Variants in ELP2 observed in about 807,000 individuals in gnomAD.
ELP2 encodes the protein elongator complex protein 2.
In ELP2, 90 loss-of-function variants were observed where a neutral mutation model predicts 119.2. The observed-to-expected ratio is 0.75, with a 90% CI of 0.64 to 0.90. The LOEUF (loss-of-function observed/expected upper bound fraction) is 0.90, where lower values mean the gene tolerates loss of function less well. ELP2 is among the 40% of genes least tolerant of loss of function. The probability of loss-of-function intolerance (pLI) is 0.00; values close to 1 mark genes in which losing one functional copy is unlikely to be tolerated. For synonymous variants in ELP2, 339 were observed against 331.0 expected, an observed-to-expected ratio of 1.02 and a Z score of -0.26; for missense variants, 921 against 967.8, an observed-to-expected ratio of 0.95 and a Z score of 0.64.
rs2144846412 is a variant in ELP2, at chr18:36,174,516, T to C, written c.2356T>C (p.Cys786Arg). ...QSHTLAIRKL[C>R]WKNCSGKTEQ... ...TCATACACTGGCTATCAGAAAATTA[T>C]GCTGGAAGAATTGCAGTGGAAAAAC... Residue 786 changes from cysteine to arginine, a missense_variant, in exon 22 of 22, where the codon TGC becomes CGC. Transcript: ENST00000358232. The C allele has an allele frequency of 1.2e-6, 2 of 1,614,144 alleles. No individual in the cohort carries two copies. Among genetic ancestry groups the C allele is most frequent in the South Asian group, 1.1e-5 (1 of 91,066 alleles).
intron 16 of ELP2, 97 bp from the exon 17 acceptor site, chr18:36,160,835 C>A: frequency 1.3e-6 from 1 of 778,494 alleles, no homozygotes; most frequent in Non-Finnish European, 2.2e-6. Flanking sequence ...TGTATATTAG[C>A]TAGAGAGGTT....
Position 36,138,322 on chromosome 18 carries a change from A to G in ELP2, c.341A>G (p.His114Arg). The change falls in exon 4 of 22, where the codon CAT (histidine) becomes CGT (arginine). Residue 114 changes from histidine to arginine, a missense_variant. Physicochemically the swap from His to Arg is conservative, Grantham distance 29 (BLOSUM62 0). Coordinates refer to ENST00000358232, the MANE Select transcript of ELP2 (RefSeq NM_018255.4). ...QGHEGPVYAV[H>R]AVYQRRTSDP... ...CATGAAGGACCTGTTTATGCGGTGC[A>G]TGCTGTTTACCAGAGGAGGACATCA... 1 of 1,614,152 alleles carries G rather than the reference A, an allele frequency of 6.2e-7. No homozygotes were observed. The highest frequency in any genetic ancestry group is 8.5e-7 in the Non-Finnish European group (1 of 1,180,006).
At chr18:36,164,895 A>G (rs1598822592) in intron 18 of ELP2, 2 of 549,218 alleles carry the variant, frequency 3.6e-6, no homozygotes, top group Non-Finnish European at 3.3e-6. Context: ...TGTAGTCAAG[A>G]TGGCATGCAT....
rs1481575931 is a variant in ELP2 at position 36,133,087 on chromosome 18, T to C, written c.139-151T>C. The C allele has an allele frequency of 2.3e-5, 15 of 653,968 alleles. No individual in the cohort carries two copies. In the African/African-American group the frequency reaches 2.4e-4, roughly 10 times the overall value. 40.5% of individuals were successfully genotyped at this position (653,968 alleles called of 1,614,324 possible). On this transcript the variant is annotated intron_variant, in intron 1 of 21. Coordinates refer to ENST00000358232, the MANE Select transcript of ELP2 (RefSeq NM_018255.4). ...GAGGAATGGATGACTTAAGCCATGG[T>C]TAAAAGTTTATAGATTGAAGAAGGC...
intron 2 of ELP2, among the ~76,000 whole-genome samples, chr18:36,135,734 C>A (rs1381025568): frequency 6.6e-6 from 1 of 152,036 alleles, no homozygotes; most frequent in Non-Finnish European, 1.5e-5. Context: ...GAGTGTTTAG[C>A]CTGCATCTAA....
chr18:36,152,916 G>T (rs1225131928), intron 11 of ELP2, among the ~76,000 whole-genome samples: 1 of 152,192 alleles, frequency 6.6e-6, no homozygotes, highest in African/African-American at 2.4e-5. Context: ...TACACCCTTT[G>T]GTTTCAGTAG....
At chr18:36,136,852 C>G (rs938633251) in intron 3 of ELP2, among the ~76,000 whole-genome samples, 11 of 152,034 alleles carry the variant, frequency 7.2e-5, no homozygotes, top group African/African-American at 2.2e-4. Flanking sequence ...GTTTTCAATG[C>G]TTTTGGCATA....
At chr18:36,151,867 C>T (rs774819659) in intron 11 of ELP2, among the ~76,000 whole-genome samples, 5 of 151,468 alleles carry the variant, frequency 3.3e-5, no homozygotes, top group Non-Finnish European at 7.4e-5. Flanking sequence ...CCTGTCTCAG[C>T]CGCCTGAGTA....
At chr18:36,167,814 G>A (rs1353062811) in intron 19 of ELP2, among the ~76,000 whole-genome samples, 4 of 152,042 alleles carry the variant, frequency 2.6e-5, no homozygotes, top group South Asian at 4.2e-4. Context: ...CAAGTAGGTG[G>A]GACTACAGGT....
chr18:36,133,084 T>C (rs1228723381), intron 1 of ELP2, among the ~76,000 whole-genome samples, 154 bp from the exon 2 acceptor site: 1 of 152,180 alleles, frequency 6.6e-6, no homozygotes, highest in Non-Finnish European at 1.5e-5. Flanking sequence ...ACTTAAGCCA[T>C]GGTTAAAAGT....
At chr18:36,164,344 C>G in intron 17 of ELP2, 131 bp from the exon 18 acceptor site, 1 of 798,764 alleles carries the variant, frequency 1.3e-6, no homozygotes, top group Non-Finnish European at 2.1e-6. Context: ...TATGTTATCT[C>G]CTAGGAATTT....
chr18:36,166,947 G>T, intron 18 of ELP2, 154 bp from the exon 19 acceptor site: 2 of 617,320 alleles, frequency 3.2e-6, no homozygotes, highest in Non-Finnish European at 2.6e-6. Flanking sequence ...TTCTGGTGAG[G>T]GGTTGGTTGC....
At chr18:36,140,902 G>A (rs2089999670) in intron 5 of ELP2, among the ~76,000 whole-genome samples, 1 of 152,160 alleles carries the variant, frequency 6.6e-6, no homozygotes, top group Admixed American at 6.5e-5. Context: ...TGGAGAGAAG[G>A]ACTGGATTCT....
chr18:36,152,834 T>C (rs2090445687), intron 11 of ELP2, among the ~76,000 whole-genome samples: 1 of 152,220 alleles, frequency 6.6e-6, no homozygotes, highest in Non-Finnish European at 1.5e-5. Flanking sequence ...ATCACTTTCA[T>C]AGTCCACTTT....
At chr18:36,134,302 C>T (rs1471544538) in intron 2 of ELP2, among the ~76,000 whole-genome samples, 1 of 152,164 alleles carries the variant, frequency 6.6e-6, no homozygotes, top group Non-Finnish European at 1.5e-5. Context: ...AGTATTCATT[C>T]TCATTGTCAT....
chr18:36,142,412 A>G, intron 7 of ELP2, 65 bp downstream of exon 7: 1 of 1,337,690 alleles, frequency 7.5e-7, no homozygotes, highest in Non-Finnish European at 1.1e-6. Context: ...CCAAGAAAGC[A>G]GCCTTTTTTG....
chr18:36,149,832 A>G (rs1295372524), intron 11 of ELP2, among the ~76,000 whole-genome samples: 1 of 151,940 alleles, frequency 6.6e-6, no homozygotes, highest in African/African-American at 2.4e-5. Context: ...ATCTCCCCTT[A>G]TTTTAGACAA....
At chr18:36,152,181 A>C (rs1567999845) in intron 11 of ELP2, among the ~76,000 whole-genome samples, 1 of 134,320 alleles carries the variant, frequency 7.4e-6, no homozygotes, top group Non-Finnish European at 1.6e-5. Flanking sequence ...TGGGTGACAG[A>C]GTGAGACCCT....
Position 36,164,624 on chromosome 18 carries a change from C to T in ELP2, c.1911C>T (p.Thr637=). 2.5e-6 allele frequency: 4 copies of T among 1,614,054 alleles called. No homozygotes were observed. Among genetic ancestry groups the T allele is most frequent in the Non-Finnish European group, 3.4e-6 (4 of 1,179,982 alleles). ...KFLLAVSRDR[T]WSLWKKQDTI... ...TACTAGCTGTTTCCAGAGATCGAAC[C>T]TGGTCATTGTGGAAAAAGCAGGATA... Residue 637 remains threonine, a synonymous_variant, in exon 18 of 22, where the codon ACC becomes ACT. Transcript: ENST00000358232.
Sources: gnomAD v4.1 joint callset for allele counts (sites outside exome capture counted in the v4.1 genomes callset) on GRCh38, gnomAD v4.1.1 for gene constraint, MANE v1.5 for transcripts, NCBI Gene and HGNC (gene_info 2026-07-23, HGNC 2026-07-21) for gene names.